Variants in MYO15A observed in about 807,000 individuals in gnomAD.
The protein encoded by MYO15A is myosin XVA, also known as unconventional myosin-XV.
Under a neutral mutation model 394.6 loss-of-function variants are expected in MYO15A, and 308 were observed. The ratio of observed to expected loss-of-function variants is 0.78; its 90% CI spans 0.71 to 0.86. The LOEUF is 0.86. MYO15A is among the 40% of genes least tolerant of loss of function. MYO15A has a pLI of 0.00. For missense variants in MYO15A, 4,606 were observed against 4,799.1 expected (o/e 0.96, Z 1.19); for synonymous variants, 1,957 against 2,003.8 (o/e 0.98, Z 0.62).
At chr17:18,161,270 T>C (rs1473337633) in intron 56 of MYO15A, 47 bp from the exon 57 acceptor site, 1 of 1,606,096 alleles carries the variant, frequency 6.2e-7, no homozygotes, top group Non-Finnish European at 8.5e-7. Context: ...CTTGGCACAC[T>C]CTAGTGCTGT....
intron 52 of MYO15A, 24 bp from the exon 53 acceptor site, chr17:18,158,901 A>G (rs781399220): frequency 3.1e-6 from 5 of 1,613,926 alleles, no homozygotes; most frequent in Non-Finnish European, 4.2e-6. Flanking sequence ...AGGACAGGTC[A>G]GTAGCACCCA....
In MYO15A at chr17:18,136,689, G is replaced by A. The variant is rs1426268669; in HGVS notation, c.4779+3G>A. 1.3e-6 allele frequency: 2 copies of A among 1,599,564 alleles called. No homozygotes were observed. Among genetic ancestry groups the A allele is most frequent in the East Asian group, 2.3e-5 (1 of 44,428 alleles). On this transcript the variant is annotated splice_donor_region_variant and intron_variant, in intron 15 of 65. Transcript: ENST00000647165. ...TCCTGGACATCTATGGTTTCGAGGTGGGGCCGTGTAGGAGGCTGAGGGGCG... is the reference window on the plus strand; with the variant it reads ...TCCTGGACATCTATGGTTTCGAGGTAGGGCCGTGTAGGAGGCTGAGGGGCG...
At chr17:18,127,276 T>G in intron 7 of MYO15A, 111 bp downstream of exon 7, 1 of 1,331,544 alleles carries the variant, frequency 7.5e-7, no homozygotes, top group Non-Finnish European at 1.0e-6. Flanking sequence ...ATGAGGAGGC[T>G]GAGTTCCAGA....
At position 18,157,250 on chromosome 17, in the gene MYO15A, G is replaced by A; in HGVS notation, c.8788+20G>A. The A allele has an allele frequency of 2.5e-6, 4 of 1,591,202 alleles. No homozygotes were observed. The highest frequency in any genetic ancestry group is 3.4e-6 in the Non-Finnish European group (4 of 1,168,414). ...ACTTTGGTGTGTGCCCCAGAACCTG[G>A]AACCCCATACGGGGCGCATCCTAGT... On this transcript the variant is annotated intron_variant, in intron 50 of 65. Transcript: ENST00000647165.
chr17:18,149,854 G>C, intron 35 of MYO15A: 1 of 491,840 alleles, frequency 2.0e-6, no homozygotes, highest in Non-Finnish European at 3.7e-6. Context: ...TTAGGAGGCT[G>C]AGATGGGAGG....
At chr17:18,163,629 T>C (rs536718976) in intron 59 of MYO15A, 113 bp from the exon 60 acceptor site, 35 of 980,550 alleles carry the variant, frequency 3.6e-5, no homozygotes, top group African/African-American at 3.1e-4. Flanking sequence ...TTGTGCGCCT[T>C]TGTGAAGAGG....
At chr17:18,128,695 A>G (rs2046097791) in intron 7 of MYO15A, among the ~76,000 whole-genome samples, 1 of 152,184 alleles carries the variant, frequency 6.6e-6, no homozygotes. Flanking sequence ...GGGTTCCTTC[A>G]GTTATCGTCA....
At chr17:18,168,037 G>T (rs1264175639) in intron 62 of MYO15A, among the ~76,000 whole-genome samples, 2 of 152,236 alleles carry the variant, frequency 1.3e-5, no homozygotes, top group Non-Finnish European at 2.9e-5. Context: ...TATGCAGAAA[G>T]ATTCAGCCAC....
intron 64 of MYO15A, chr17:18,172,578 C>A: frequency 2.1e-6 from 1 of 484,126 alleles, no homozygotes; most frequent in Non-Finnish European, 3.8e-6. Context: ...AATAAAAGAC[C>A]ACAGACTGAG....
intron 46 of MYO15A, 26 bp downstream of exon 46, chr17:18,155,251 C>T (rs1011593120): frequency 6.2e-7 from 1 of 1,613,718 alleles, no homozygotes; most frequent in Non-Finnish European, 8.5e-7. Flanking sequence ...TTGCCCCCTA[C>T]CTGTCCAGAG....
chr17:18,157,609 G>A lies in MYO15A; in HGVS notation c.8789-113G>A. ...TAAAATGGGTTTGATGGCCTGGCCT[G>A]CCTCATAGAGTTCCAGAGAAGGGTT... On this transcript the variant is annotated intron_variant, in intron 50 of 65. Coordinates refer to ENST00000647165, the MANE Select transcript of MYO15A (RefSeq NM_016239.4). 5 of 1,549,212 alleles carry A rather than the reference G, an allele frequency of 3.2e-6. No homozygotes were observed. The Admixed American group carries it at 7.6e-5, about 24-fold the overall frequency.
At chr17:18,109,221 T>G (rs868156744) in intron 1 of MYO15A, 26 of 152,364 alleles carry the variant, frequency 1.7e-4, no homozygotes, top group African/African-American at 6.3e-4. Context: ...GTCCAGACCT[T>G]GGATTAGATC....
At position 18,178,944 on chromosome 17, in the gene MYO15A, C is replaced by G; in HGVS notation, c.*74C>G. 6.9e-7 allele frequency: 1 copy of G among 1,449,644 alleles called. No individual in the cohort carries two copies. The highest frequency in any genetic ancestry group is 9.5e-7 in the Non-Finnish European group (1 of 1,050,018). 89.8% of individuals were successfully genotyped at this position (1,449,644 alleles called of 1,614,324 possible). On this transcript the variant is annotated 3_prime_UTR_variant, in exon 66 of 66. Transcript: ENST00000647165. The stretch of plus-strand genomic sequence containing the variant: ...GCCTCAGAGAAATCACTGAACCTCT[C>G]AGGATCAATGACCCCTGTAAGGGGC...
intron 61 of MYO15A, 128 bp downstream of exon 61, chr17:18,166,649 T>C (rs965461522): frequency 7.8e-7 from 1 of 1,279,932 alleles, no homozygotes; most frequent in Non-Finnish European, 1.1e-6. Context: ...CTAGCCCTGA[T>C]GTCTCTGCTC....
rs7207276 is a variant in MYO15A at position 18,162,423 on chromosome 17, G to C, written c.9518-162G>C. Among the ~76,000 whole-genome samples the C allele has an allele frequency of 0.19, 28,758 of 152,196 alleles. 2,856 individuals are homozygous for C. The highest frequency in any genetic ancestry group is 0.26 in the Middle Eastern group (76 of 294). ...AGCTCTTGACCTTGGGCAAGTCACTGTCCCTGTCTGAACTGTTTCCTCAAC... is the reference window on the plus strand; with the variant it reads ...AGCTCTTGACCTTGGGCAAGTCACTCTCCCTGTCTGAACTGTTTCCTCAAC... On this transcript the variant is annotated intron_variant, in intron 57 of 65. Transcript: ENST00000647165.
At chr17:18,175,344 G>A (rs962913551) in intron 65 of MYO15A, among the ~76,000 whole-genome samples, 2 of 135,260 alleles carry the variant, frequency 1.5e-5, no homozygotes, top group African/African-American at 5.6e-5. Context: ...AGTCTGGAGT[G>A]CAGTGGTGTG....
chr17:18,178,372 A>C, intron 65 of MYO15A: 1 of 258,906 alleles, frequency 3.9e-6, no homozygotes, highest in Non-Finnish European at 7.7e-6. Flanking sequence ...CCATCTAGGA[A>C]AAAAAAAAAA....
chr17:18,138,276 C>A, intron 17 of MYO15A, 30 bp downstream of exon 17: 1 of 1,607,484 alleles, frequency 6.2e-7, no homozygotes, highest in South Asian at 1.1e-5. Context: ...TGAGCCTAGT[C>A]AGGTCACAGA....
Position 18,152,204 on chromosome 17 carries a change from G to A in MYO15A, c.7966+20G>A. On this transcript the variant is annotated intron_variant, in intron 42 of 65. Transcript: ENST00000647165. ...CTTCAGGTGAGAGGGCCAGGAGGGAGGGAGGGGAGGGTGTCCAAGTATATG... is the reference window on the plus strand; with the variant it reads ...CTTCAGGTGAGAGGGCCAGGAGGGAAGGAGGGGAGGGTGTCCAAGTATATG... The A allele has an allele frequency of 6.5e-7, 1 of 1,544,322 alleles. No homozygotes were observed. The highest frequency in any genetic ancestry group is 8.7e-7 in the Non-Finnish European group (1 of 1,146,104).
Sources: gnomAD v4.1 joint callset for allele counts (sites outside exome capture counted in the v4.1 genomes callset) on GRCh38, gnomAD v4.1.1 for gene constraint, MANE v1.5 for transcripts, NCBI Gene and HGNC (gene_info 2026-07-23, HGNC 2026-07-21) for gene names.